ABTB2: variants seen among roughly 807,000 people sequenced by gnomAD.
The protein encoded by ABTB2 is ankyrin repeat and BTB/POZ domain-containing protein 2.
ABTB2 carries 56 observed loss-of-function variants against 104.1 expected under a neutral mutation model. The ratio of observed to expected loss-of-function variants is 0.54; its 90% CI spans 0.43 to 0.67. The LOEUF is 0.67. Ranked by LOEUF, ABTB2 falls within the 30% of genes least tolerant of loss-of-function variation. ABTB2 has a pLI of 0.00. For synonymous variants in ABTB2, 606 were observed against 608.2 expected, an observed-to-expected ratio of 1.00 and a Z score of 0.05; for missense variants, 1,279 against 1,407.7, an observed-to-expected ratio of 0.91 and a Z score of 1.46.
intron 1 of ABTB2, among the ~76,000 whole-genome samples, chr11:34,241,609 T>C (rs888398658): frequency 5.9e-5 from 9 of 152,198 alleles, no homozygotes; most frequent in African/African-American, 1.9e-4. Context: ...ATTAAAAGAC[T>C]AGCTGGCCAT....
Position 34,151,127 on chromosome 11 carries a change from A to C in ABTB2, c.*1260T>G, listed in dbSNP as rs1270917109. 1 of 152,700 alleles carries C rather than the reference A, an allele frequency of 6.5e-6. No individual in the cohort carries two copies. Among genetic ancestry groups the C allele is most frequent in the African/African-American group, 2.4e-5 (1 of 41,480 alleles). 9.5% of individuals were successfully genotyped at this position (152,700 alleles called of 1,614,324 possible). A position where few individuals can be genotyped will look rare whatever the true frequency, so the allele number is the denominator to read the frequency against. ...TCTTTGTACATCCAGCCAAGCAGCT[A>C]GTCAAAATATTTTCCAGAATTGCAA... On this transcript the variant is annotated 3_prime_UTR_variant, in exon 17 of 17. Transcript: ENST00000435224.
rs11032539 is a variant in ABTB2 at position 34,180,322 on chromosome 11, G to C, written c.1245-7015C>G. On this transcript the variant is annotated intron_variant, in intron 3 of 16. Transcript: ENST00000435224. ...CTTGGCAGTGAAAAAACTCACACAA[G>C]GGAAGGGGCAACAGCAAGGAACACA... Among the ~76,000 whole-genome samples the C allele has an allele frequency of 4.3e-4, 65 of 152,328 alleles. 1 individual carries two copies. The East Asian group carries it at 8.3e-3, about 19-fold the overall frequency.
At chr11:34,266,308 C>A (rs1854249228) in intron 1 of ABTB2, among the ~76,000 whole-genome samples, 1 of 152,170 alleles carries the variant, frequency 6.6e-6, no homozygotes, top group Non-Finnish European at 1.5e-5. Context: ...TGGCCTTGAA[C>A]TCCTGGGCTC....
intron 1 of ABTB2, among the ~76,000 whole-genome samples, chr11:34,306,743 A>G (rs1318716756): frequency 6.6e-6 from 1 of 151,856 alleles, no homozygotes; most frequent in East Asian, 1.9e-4. Flanking sequence ...AATAAGTAAA[A>G]CCGAGAAAAG....
intron 1 of ABTB2, among the ~76,000 whole-genome samples, chr11:34,320,694 T>C (rs527629449): frequency 6.6e-6 from 1 of 152,278 alleles, no homozygotes; most frequent in East Asian, 1.9e-4. Flanking sequence ...ACATTAGACG[T>C]CCGTGGAACT....
At position 34,160,283 on chromosome 11, in the gene ABTB2, A is replaced by G; in HGVS notation, c.2468T>C (p.Ile823Thr). 1 of 1,614,072 alleles carries G rather than the reference A, an allele frequency of 6.2e-7. No individual in the cohort carries two copies. The highest frequency in any genetic ancestry group is 8.5e-7 in the Non-Finnish European group (1 of 1,180,004). Reference protein sequence around the residue: ...HCYGSSPIPSIPEIRKTLPAR... With the variant: ...HCYGSSPIPSTPEIRKTLPAR... ...CGGCAGGGTCTTCCGGATCTCTGGG[A>G]TGCTGGGGATGGGACTGCTGCCATA... Residue 823 changes from isoleucine (I) to threonine (T), a missense_variant, in exon 12 of 17, where the codon ATC (isoleucine) becomes ACC (threonine). Transcript: ENST00000435224.
chr11:34,176,340 A>C (rs1170153154), intron 3 of ABTB2, among the ~76,000 whole-genome samples: 2 of 152,062 alleles, frequency 1.3e-5, no homozygotes, highest in Non-Finnish European at 2.9e-5. Context: ...ATCACTGAAA[A>C]CTTTCCTTTA....
Position 34,162,771 on chromosome 11 carries a change from G to T in ABTB2, c.2023C>A (p.Gln675Lys), listed in dbSNP as rs746637649. The T allele has an allele frequency of 1.9e-6, 3 of 1,607,614 alleles. No individual in the cohort carries two copies. In the African/African-American group the frequency reaches 4.0e-5, roughly 21 times the overall value. The stretch of plus-strand genomic sequence containing the variant: ...AGGGACAGCACGTCCGCTTTAGCCT[G>T]CTGTGGCTGCGTCAGGAGCTTCCTC... ...VLRKLLTQPQ[Q>K]AKADVLSLEE... Residue 675 changes from glutamine to lysine, a missense_variant, in exon 10 of 17, where the codon CAG becomes AAG. Physicochemically the swap from Gln to Lys is moderately conservative, Grantham distance 53 (BLOSUM62 1). Coordinates refer to ENST00000435224, the MANE Select transcript of ABTB2 (RefSeq NM_145804.3).
chr11:34,248,845 C>A (rs1387734023), intron 1 of ABTB2, among the ~76,000 whole-genome samples: 1 of 152,208 alleles, frequency 6.6e-6, no homozygotes, highest in East Asian at 1.9e-4. Context: ...TAAAGGCATA[C>A]CACAGCCGGG....
At chr11:34,203,216 T>A (rs1022022504) in intron 2 of ABTB2, among the ~76,000 whole-genome samples, 1 of 152,086 alleles carries the variant, frequency 6.6e-6, no homozygotes, top group African/African-American at 2.4e-5. Flanking sequence ...TTGGAGAAAA[T>A]CACTTTTCTT....
Position 34,298,088 on chromosome 11 carries a change from T to G in ABTB2, c.883+58613A>C, listed in dbSNP as rs72914561. On this transcript the variant is annotated intron_variant, in intron 1 of 16. Coordinates refer to ENST00000435224, the MANE Select transcript of ABTB2 (RefSeq NM_145804.3). ...GAAATGTGAGAAATAAATGTCTGTT[T>G]TTTTTTTTTTTTAAATAAATTACCC... 6.4e-3 allele frequency among the ~76,000 whole-genome samples: 974 copies of G among 151,104 alleles called. 11 individuals are homozygous for G. Among genetic ancestry groups the G allele is most frequent in the Middle Eastern group, 0.01 (3 of 294 alleles).
intron 1 of ABTB2, among the ~76,000 whole-genome samples, chr11:34,334,768 GTTT>G (rs34761456): frequency 2.6e-4 from 38 of 145,786 alleles, no homozygotes; most frequent in African/African-American, 7.3e-4. Context: ...TAATATTTGG[GTTT>G]TTTTTTTTTT....
At chr11:34,299,965 G>A (rs1854679767) in intron 1 of ABTB2, among the ~76,000 whole-genome samples, 1 of 152,162 alleles carries the variant, frequency 6.6e-6, no homozygotes, top group Non-Finnish European at 1.5e-5. Context: ...GGCACACAGA[G>A]GACTGAATGA....
chr11:34,314,865 C>T (rs918849268), intron 1 of ABTB2, among the ~76,000 whole-genome samples: 4 of 152,250 alleles, frequency 2.6e-5, no homozygotes, highest in Admixed American at 2.0e-4. Flanking sequence ...ACAGCACAGG[C>T]TGAGAGTCCA....
At chr11:34,325,772 A>G (rs1218635498) in intron 1 of ABTB2, among the ~76,000 whole-genome samples, 1 of 151,750 alleles carries the variant, frequency 6.6e-6, no homozygotes, top group African/African-American at 2.4e-5. Flanking sequence ...CCAAAACAGC[A>G]AAACCTCATC....
chr11:34,191,307 G>A (rs553793269), intron 3 of ABTB2, among the ~76,000 whole-genome samples: 20 of 152,330 alleles, frequency 1.3e-4, no homozygotes, highest in Middle Eastern at 3.4e-3. Context: ...TTCCAACAAA[G>A]TGGCTGGAAC....
intron 1 of ABTB2, among the ~76,000 whole-genome samples, chr11:34,266,258 T>C (rs1854248332): frequency 6.6e-6 from 1 of 152,082 alleles, no homozygotes; most frequent in African/African-American, 2.4e-5. Flanking sequence ...AATTGTTACA[T>C]TTTTTTCGGA....
intron 1 of ABTB2, among the ~76,000 whole-genome samples, chr11:34,275,112 A>G (rs976033595): frequency 3.3e-5 from 5 of 152,114 alleles, no homozygotes; most frequent in African/African-American, 1.2e-4. Context: ...AACTGTGGGG[A>G]CCTAAGCCCA....
chr11:34,335,871 G>A (rs11545266), intron 1 of ABTB2: 11 of 1,000,470 alleles, frequency 1.1e-5, no homozygotes, highest in South Asian at 1.4e-5. Context: ...GAGGTAGAGC[G>A]GCCACATGAG....
Sources: gnomAD v4.1 joint callset for allele counts (sites outside exome capture counted in the v4.1 genomes callset) on GRCh38, gnomAD v4.1.1 for gene constraint, MANE v1.5 for transcripts, NCBI Gene and HGNC (gene_info 2026-07-23, HGNC 2026-07-21) for gene names.